The following MUC6 variants were observed in gnomAD, a reference collection of about 807,000 sequenced individuals.
MUC6 encodes mucin-6.
MUC6 carries 188 observed loss-of-function variants against 201.5 expected under a neutral mutation model. The observed-to-expected ratio is 0.93, with a 90% CI of 0.83 to 1.05. The LOEUF is 1.05. MUC6 is among the 50% of genes least tolerant of loss of function. The probability of loss-of-function intolerance (pLI) is 0.00; values close to 1 mark genes in which losing one functional copy is unlikely to be tolerated. For synonymous variants in MUC6, 1,228 were observed against 1,389.4 expected (o/e 0.88, Z 2.58); for missense variants, 2,706 against 3,256.9 (o/e 0.83, Z 4.12).
At position 1,024,882 on chromosome 11, in the gene MUC6, C is replaced by A; in HGVS notation, c.3187G>T (p.Val1063Phe). 6.2e-7 allele frequency: 1 copy of A among 1,612,532 alleles called. No homozygotes were observed. The highest frequency in any genetic ancestry group is 1.6e-4 in the Middle Eastern group (1 of 6,062). The change falls in exon 24 of 33, where the codon GTC (valine) becomes TTC (phenylalanine). Residue 1063 changes from valine to phenylalanine, a missense_variant. Around this residue, in one of 10 missense-constraint regions of MUC6, gnomAD observed 1,850 missense variants for 1,958.3 expected, o/e 0.94. Transcript: ENST00000421673. ...GTGGCAAAGGTCTGGCTGTTGATGA[C>A]GCTGCACTTGCGCTCGGCCCAGGAG... ...RRSWAERKCS[V>F]INSQTFATCH...
chr11:1,015,487 C>A (rs572607575), intron 31 of MUC6, among the ~76,000 whole-genome samples: 2 of 151,974 alleles, frequency 1.3e-5, no homozygotes, highest in African/African-American at 4.8e-5. Flanking sequence ...CAGCAGTGAC[C>A]GGGCATGAGT....
At chr11:1,036,107 T>G (rs1344177093) in intron 1 of MUC6, among the ~76,000 whole-genome samples, 1 of 151,742 alleles carries the variant, frequency 6.6e-6, no homozygotes, top group Non-Finnish European at 1.5e-5. Context: ...CCTTCCCCCC[T>G]CTTCCCCCCA....
intron 8 of MUC6, 109 bp from the exon 9 acceptor site, chr11:1,029,724 C>T: frequency 1.4e-6 from 2 of 1,409,752 alleles, no homozygotes; most frequent in Non-Finnish European, 9.3e-7. Context: ...GGAGACGCCC[C>T]CTCCAGCCTG....
chr11:1,027,869 C>T, intron 15 of MUC6, 52 bp from the exon 16 acceptor site: 1 of 1,590,928 alleles, frequency 6.3e-7, no homozygotes. Flanking sequence ...GCCCTGGGGA[C>T]ATGGGGGTCC....
rs537722730 is a variant in MUC6 at position 1,020,094 on chromosome 11, C to T, written c.3804G>A (p.Ser1268=). The part of the protein sequence containing the change: ...TLTSSKPTAS[S]GEPPRPTTAV... ...GCTCAGCTGGAGGCTCCTTACCTCCCGAGGAGGCTGTGGGCTTGGAGGATG... is the reference window on the plus strand; with the variant it reads ...GCTCAGCTGGAGGCTCCTTACCTCCTGAGGAGGCTGTGGGCTTGGAGGATG... The change falls in exon 29 of 33, where the codon TCG becomes TCA. Residue 1268 remains serine (S), a synonymous_variant. Coordinates refer to ENST00000421673, the MANE Select transcript of MUC6 (RefSeq NM_005961.3). The T allele has an allele frequency of 2.4e-4, 394 of 1,613,402 alleles. 5 individuals carry two copies. In the South Asian group the frequency reaches 3.9e-3, roughly 16 times the overall value.
In MUC6 at chr11:1,031,200, C is replaced by T; in HGVS notation, c.543G>A (p.Gly181=). 2 of 1,545,634 alleles carry T rather than the reference C, an allele frequency of 1.3e-6. No individual in the cohort carries two copies. Among genetic ancestry groups the T allele is most frequent in the South Asian group, 1.2e-5 (1 of 85,338 alleles). Residue 181 remains glycine (G), a synonymous_variant, in exon 5 of 33, where the codon GGG becomes GGA. Transcript: ENST00000421673. ...CACTGACAAACTCGTTGGTCACCTT[C>T]CCGTCAAAGTTCCCGCAGAGCCCGC... ...QMCGLCGNFD[G]KVTNEFVSEE... is the part of the protein sequence containing the mutation.
In MUC6 at chr11:1,027,401, C is replaced by T. The variant is rs1332264379; in HGVS notation, c.2098G>A (p.Gly700Ser). ...TAGGTGCCATCGGGGCAGTTGCAAC[C>T]GTCCACGGGCACGGCGCTGTGGTGG... ...ECHHSAVPVD[G>S]CNCPDGTYLN... The change falls in exon 17 of 33, where the codon GGT becomes AGT. Residue 700 changes from glycine to serine, a missense_variant. Gly to Ser is a moderately conservative substitution (Grantham distance 56, BLOSUM62 0). Transcript: ENST00000421673. The T allele has an allele frequency of 3.7e-6, 6 of 1,612,844 alleles. No homozygotes were observed. The highest frequency in any genetic ancestry group is 1.1e-5 in the South Asian group (1 of 91,070).
At chr11:1,031,387 T>G in intron 4 of MUC6, 128 bp from the exon 5 acceptor site, 1 of 1,161,990 alleles carries the variant, frequency 8.6e-7, no homozygotes, top group Non-Finnish European at 1.2e-6. Flanking sequence ...TGCCTCTTCT[T>G]ATGGGAGGCT....
At position 1,027,386 on chromosome 11, in the gene MUC6, C is replaced by T. The variant is rs370341085; in HGVS notation, c.2113G>A (p.Asp705Asn). 32 of 1,612,758 alleles carry T rather than the reference C, an allele frequency of 2.0e-5. No homozygotes were observed. The highest frequency in any genetic ancestry group is 1.7e-4 in the Admixed American group (10 of 60,010). Residue 705 changes from aspartate to asparagine, a missense_variant, in exon 17 of 33, where the codon GAT (aspartate) becomes AAT (asparagine). By Grantham distance (23) the Asp-to-Asn change is conservative (BLOSUM62 1). Coordinates refer to ENST00000421673, the MANE Select transcript of MUC6 (RefSeq NM_005961.3). The stretch of plus-strand genomic sequence containing the variant: ...CCCTTTTGGTTCAGGTAGGTGCCAT[C>T]GGGGCAGTTGCAACCGTCCACGGGC... ...AVPVDGCNCP[D>N]GTYLNQKGEC...
At position 1,028,631 on chromosome 11, in the gene MUC6, G is replaced by T. The variant is rs376797657; in HGVS notation, c.1591+15C>A. On this transcript the variant is annotated intron_variant, in intron 13 of 32. Transcript: ENST00000421673. Reference sequence around the variant, plus strand: ...GGATGAGGCAACAGGGCCACCTGGAGAGGCAGGGACTCACCTCTGGTCTGA... The same window carrying T: ...GGATGAGGCAACAGGGCCACCTGGATAGGCAGGGACTCACCTCTGGTCTGA... 4 of 1,604,768 alleles carry T rather than the reference G, an allele frequency of 2.5e-6. No individual in the cohort carries two copies. Among genetic ancestry groups the T allele is most frequent in the Middle Eastern group, 1.7e-4 (1 of 6,050 alleles).
At chr11:1,031,334 G>A in intron 4 of MUC6, 75 bp from the exon 5 acceptor site, 16 of 1,387,118 alleles carry the variant, frequency 1.2e-5, no homozygotes, top group Non-Finnish European at 1.5e-5. Flanking sequence ...CTCAGTTCCT[G>A]CTCCTGGACC....
At chr11:1,020,562 G>T in intron 28 of MUC6, 122 bp downstream of exon 28, 1 of 1,413,718 alleles carries the variant, frequency 7.1e-7, no homozygotes, top group Non-Finnish European at 9.9e-7. Flanking sequence ...GGTTAGACCT[G>T]AGAAGGGCAC....
chr11:1,031,187 C>G lies in MUC6; in HGVS notation c.556G>C (p.Glu186Gln). ...CACCTACCCTCCTCACTGACAAACT[C>G]GTTGGTCACCTTCCCGTCAAAGTTC... Reference protein sequence around the residue: ...CGNFDGKVTNEFVSEEGKFLE... With the variant: ...CGNFDGKVTNQFVSEEGKFLE... Residue 186 changes from glutamate (E) to glutamine (Q), a missense_variant, in exon 5 of 33, where the codon GAG (glutamate) becomes CAG (glutamine). Coordinates refer to ENST00000421673, the MANE Select transcript of MUC6 (RefSeq NM_005961.3). 3 of 1,561,746 alleles carry G rather than the reference C, an allele frequency of 1.9e-6. No homozygotes were observed. The highest frequency in any genetic ancestry group is 2.6e-6 in the Non-Finnish European group (3 of 1,152,268).
intron 26 of MUC6, among the ~76,000 whole-genome samples, chr11:1,023,123 A>G (rs576790767): frequency 7.2e-5 from 11 of 151,830 alleles, no homozygotes; most frequent in Non-Finnish European, 1.3e-4. Context: ...GTGAATGTGC[A>G]TGAGTGTGCG....
At chr11:1,032,453 T>C (rs1357084898) in intron 2 of MUC6, among the ~76,000 whole-genome samples, 1 of 151,116 alleles carries the variant, frequency 6.6e-6, no homozygotes, top group African/African-American at 2.4e-5. Flanking sequence ...TGCATGCACA[T>C]GTGTGTTTGT....
intron 2 of MUC6, among the ~76,000 whole-genome samples, chr11:1,032,323 CG>C (rs1857126283): frequency 6.6e-6 from 1 of 151,938 alleles, no homozygotes; most frequent in Non-Finnish European, 1.5e-5. Context: ...GTGCGTGTCT[CG>C]GGTGTGTGCA....
chr11:1,023,400 G>T (rs953794289), intron 26 of MUC6, 109 bp downstream of exon 26: 2 of 1,304,592 alleles, frequency 1.5e-6, no homozygotes, highest in African/African-American at 2.1e-5. Context: ...GTGAATTAAT[G>T]AGCATGAATG....
chr11:1,026,055 G>T lies in MUC6; in HGVS notation c.2633C>A (p.Thr878Asn), dbSNP rs1288727879. ...CTLYGEGHVI[T>N]FDGQRFVFDG... ...GAATACGAAGCGCTGGCCGTCGAAG[G>T]TGATGACGTGGCCCTCCCCGTAGAG... Residue 878 changes from threonine to asparagine, a missense_variant, in exon 21 of 33, where the codon ACC becomes AAC. Physicochemically the swap from Thr to Asn is moderately conservative, Grantham distance 65. This residue lies in a region of MUC6 where 1,850 missense variants were observed against 1,958.3 expected (regional missense o/e 0.94). Coordinates refer to ENST00000421673, the MANE Select transcript of MUC6 (RefSeq NM_005961.3). 4.4e-6 allele frequency: 7 copies of T among 1,594,422 alleles called. No homozygotes were observed. The highest frequency in any genetic ancestry group is 1.3e-5 in the African/African-American group (1 of 74,610).
rs780799272 is a variant in MUC6, at chr11:1,019,274, C to T, written c.4030+1G>A. The T allele has an allele frequency of 1.4e-5, 23 of 1,613,916 alleles. No individual in the cohort carries two copies. The highest frequency in any genetic ancestry group is 1.1e-4 in the East Asian group (5 of 44,890). ...TGGCATCCCATGGCGCCATGACTTACGCAGCGTGGGGCTTGTCCCTGATGT... is the reference window on the plus strand; with the variant it reads ...TGGCATCCCATGGCGCCATGACTTATGCAGCGTGGGGCTTGTCCCTGATGT... On this transcript the variant is annotated splice_donor_variant, in intron 30 of 32. Coordinates refer to ENST00000421673, the MANE Select transcript of MUC6 (RefSeq NM_005961.3). LOFTEE classifies it high-confidence loss of function.
Sources: allele counts gnomAD v4.1 joint callset (sites outside exome capture counted in the v4.1 genomes callset), GRCh38; gene constraint gnomAD v4.1.1; regional missense constraint gnomAD v4.1.1; transcripts MANE v1.5; gene names NCBI Gene and HGNC (gene_info 2026-07-23, HGNC 2026-07-21).